MFHAS1: variants seen among roughly 807,000 people sequenced by gnomAD.
MFHAS1 encodes malignant fibrous histiocytoma-amplified sequence 1.
MFHAS1 carries 50 observed loss-of-function variants against 70.4 expected under a neutral mutation model. That is an observed-to-expected ratio of 0.71 (90% CI 0.57 to 0.90). MFHAS1 has a LOEUF of 0.90. Among genes scored for constraint, MFHAS1 ranks in the 40% least tolerant of loss-of-function variants. The pLI, the probability that MFHAS1 is intolerant of heterozygous loss-of-function variation, is 0.00. For synonymous variants in MFHAS1, 952 were observed against 620.0 expected, an observed-to-expected ratio of 1.54 and a Z score of -7.96; for missense variants, 1,795 against 1,347.6, an observed-to-expected ratio of 1.33 and a Z score of -5.20.
At chr8:8,871,700 G>A (rs1473861909) in intron 1 of MFHAS1, among the ~76,000 whole-genome samples, 1 of 152,198 alleles carries the variant, frequency 6.6e-6, no homozygotes, top group Non-Finnish European at 1.5e-5. Flanking sequence ...GCCCAGGGAG[G>A]CCAAGTGGCT....
intron 1 of MFHAS1, among the ~76,000 whole-genome samples, chr8:8,812,365 C>A (rs148241947): frequency 2.0e-5 from 3 of 152,142 alleles, no homozygotes; most frequent in Non-Finnish European, 4.4e-5. Context: ...CTGGTCAGTA[C>A]GCTGCTGGGT....
At chr8:8,825,411 G>C (rs1281904953) in intron 1 of MFHAS1, among the ~76,000 whole-genome samples, 1 of 152,206 alleles carries the variant, frequency 6.6e-6, no homozygotes, top group Non-Finnish European at 1.5e-5. Flanking sequence ...GATCTCAAGT[G>C]ATCCATCTGC....
intron 2 of MFHAS1, among the ~76,000 whole-genome samples, chr8:8,790,963 G>C (rs982552795): frequency 5.3e-5 from 8 of 152,078 alleles, no homozygotes; most frequent in African/African-American, 1.7e-4. Context: ...AATTTAGTGG[G>C]GATCTTGCTT....
intron 1 of MFHAS1, among the ~76,000 whole-genome samples, chr8:8,842,974 A>C (rs1807887603): frequency 1.3e-5 from 2 of 152,210 alleles, no homozygotes; most frequent in South Asian, 4.1e-4. Context: ...GCATCTAAGA[A>C]AGCGAAAGAG....
In MFHAS1 at chr8:8,892,457, A is replaced by T; in HGVS notation, c.602T>A (p.Leu201Gln). Residue 201 changes from leucine to glutamine, a missense_variant, in exon 1 of 3, where the codon CTG becomes CAG. Leu to Gln is a moderately radical substitution (Grantham distance 113). Coordinates refer to ENST00000276282, the MANE Select transcript of MFHAS1 (RefSeq NM_004225.3). The surrounding 1 kb of genome is among the most constrained non-coding windows in gnomAD (Gnocchi z 4.7). ...CAGCTCCTCCAGGGCCACCAGCTGC[A>T]GCAGCTGCCGGGGGAAGGCAGTGAG... ...NQLTAFPRQL[L>Q]QLVALEELDV... 1 of 1,610,200 alleles carries T rather than the reference A, an allele frequency of 6.2e-7. No homozygotes were observed. The highest frequency in any genetic ancestry group is 8.5e-7 in the Non-Finnish European group (1 of 1,178,456).
At chr8:8,794,268 G>A (rs908650269) in intron 2 of MFHAS1, among the ~76,000 whole-genome samples, 1 of 152,114 alleles carries the variant, frequency 6.6e-6, no homozygotes, top group African/African-American at 2.4e-5. Context: ...CAGTGCAATA[G>A]CCCCGGACTT....
intron 1 of MFHAS1, among the ~76,000 whole-genome samples, chr8:8,843,778 T>C (rs1012302320): frequency 2.6e-5 from 4 of 152,130 alleles, no homozygotes; most frequent in Admixed American, 6.6e-5. Flanking sequence ...AACTCATCCC[T>C]ATCTTACAGG....
In MFHAS1 at chr8:8,891,089, CTG is replaced by C. The variant is rs1222481488; in HGVS notation, c.1968_1969del (p.His656GlnfsTer53). 6.2e-7 allele frequency: 1 copy of C among 1,613,900 alleles called. No homozygotes were observed. The highest frequency in any genetic ancestry group is 8.5e-7 in the Non-Finnish European group (1 of 1,179,988). ...CACCTGCCAGGATCGAGGCAGTACTCTGTGTAAGTTGGGGAAGATCTCTCGGT... is the reference window on the plus strand; with the variant it reads ...CACCTGCCAGGATCGAGGCAGTACTCTGTAAGTTGGGGAAGATCTCTCGGT... On this transcript the variant is annotated frameshift_variant, in exon 1 of 3. Coordinates refer to ENST00000276282, the MANE Select transcript of MFHAS1 (RefSeq NM_004225.3). LOFTEE classifies it high-confidence loss of function. This position sits in a 1 kb window ranked among gnomAD's most constrained non-coding sequence, Gnocchi z 5.4.
intron 1 of MFHAS1, among the ~76,000 whole-genome samples, chr8:8,886,551 A>G (rs543706531): frequency 1.4e-3 from 220 of 152,362 alleles, no homozygotes; most frequent in Middle Eastern, 0.01. Context: ...AGGGCAGCTC[A>G]GGCCAGAAAA....
At chr8:8,867,949 T>A (rs889134481) in intron 1 of MFHAS1, among the ~76,000 whole-genome samples, 1 of 152,204 alleles carries the variant, frequency 6.6e-6, no homozygotes, top group Non-Finnish European at 1.5e-5. Context: ...TCTCAACATG[T>A]GTTTCCTACC....
intron 1 of MFHAS1, among the ~76,000 whole-genome samples, chr8:8,805,534 G>A (rs1457866042): frequency 6.6e-6 from 1 of 152,170 alleles, no homozygotes; most frequent in Non-Finnish European, 1.5e-5. Context: ...GAGGAGGCTG[G>A]GGAGGAGGGG....
chr8:8,800,369 T>C (rs932587624), intron 1 of MFHAS1, among the ~76,000 whole-genome samples: 10 of 152,186 alleles, frequency 6.6e-5, no homozygotes, highest in African/African-American at 2.4e-4. Flanking sequence ...AAGTTAAAAA[T>C]GTAAATGTTA....
chr8:8,838,322 T>C (rs779458624), intron 1 of MFHAS1, among the ~76,000 whole-genome samples: 1 of 152,160 alleles, frequency 6.6e-6, no homozygotes, highest in South Asian at 2.1e-4. Flanking sequence ...ATATTCTTGA[T>C]TGTGGTGGTA....
intron 1 of MFHAS1, among the ~76,000 whole-genome samples, chr8:8,856,944 C>G (rs970890646): frequency 1.8e-5 from 2 of 111,636 alleles, no homozygotes; most frequent in African/African-American, 3.5e-5. Flanking sequence ...ATCTTTCAAA[C>G]TGGCTCAAAA....
Position 8,785,933 on chromosome 8 carries a change from G to A in MFHAS1, c.*89C>T. 7.4e-7 allele frequency: 1 copy of A among 1,360,388 alleles called. No individual in the cohort carries two copies. Among genetic ancestry groups the A allele is most frequent in the Non-Finnish European group, 1.1e-6 (1 of 949,210 alleles). The allele number at this position is 1,360,388 out of a possible 1,614,324, so 84.3% of individuals were successfully genotyped here. A position where few individuals can be genotyped will look rare whatever the true frequency, so the allele number is the denominator to read the frequency against. On this transcript the variant is annotated 3_prime_UTR_variant, in exon 3 of 3. Coordinates refer to ENST00000276282, the MANE Select transcript of MFHAS1 (RefSeq NM_004225.3). ...CACTCAAGTTCACAGAACACGCTGG[G>A]GTGAGTGCAGAGGGTCTGCCAGGTG...
intron 1 of MFHAS1, among the ~76,000 whole-genome samples, chr8:8,836,311 G>A (rs894364490): frequency 6.6e-6 from 1 of 152,168 alleles, no homozygotes; most frequent in Non-Finnish European, 1.5e-5. Flanking sequence ...GTCTGCTTCT[G>A]TGAGTTGTAA....
intron 2 of MFHAS1, among the ~76,000 whole-genome samples, chr8:8,786,524 ATAAGT>A (rs1431072716): frequency 1.3e-5 from 2 of 152,240 alleles, no homozygotes; most frequent in Non-Finnish European, 2.9e-5. Flanking sequence ...TTAAAATGTT[ATAAGT>A]TAAGTTGTCC....
chr8:8,820,859 T>C (rs1161949468), intron 1 of MFHAS1, among the ~76,000 whole-genome samples: 11 of 152,208 alleles, frequency 7.2e-5, no homozygotes, highest in Admixed American at 7.2e-4. Context: ...TGGAATTAAA[T>C]GATCTAAGTG....
At chr8:8,866,258 C>T (rs933725857) in intron 1 of MFHAS1, among the ~76,000 whole-genome samples, 5 of 151,630 alleles carry the variant, frequency 3.3e-5, no homozygotes, top group South Asian at 2.1e-4. Context: ...AAAACTCTGA[C>T]GCTGAATGGG....
Sources: gnomAD v4.1 joint callset for allele counts (sites outside exome capture counted in the v4.1 genomes callset) on GRCh38, gnomAD v4.1.1 for gene constraint, Gnocchi (gnomAD v3.1) non-coding constraint, MANE v1.5 for transcripts, NCBI Gene and HGNC (gene_info 2026-07-23, HGNC 2026-07-21) for gene names.